The following GABRB2 variants were observed in gnomAD, a reference collection of about 807,000 sequenced individuals.
GABRB2 encodes gamma-aminobutyric acid type A receptor subunit beta2, also known as gamma-aminobutyric acid receptor subunit beta-2.
Under a neutral mutation model 54.7 loss-of-function variants are expected in GABRB2, and 16 were observed. The observed-to-expected ratio is 0.29, with a 90% CI of 0.20 to 0.44. The LOEUF is 0.44. GABRB2 is among the 20% of genes least tolerant of loss of function. GABRB2 has a pLI of 1.00. For synonymous variants in GABRB2, 244 were observed against 233.8 expected (o/e 1.04, Z -0.40); for missense variants, 355 against 644.0 (o/e 0.55, Z 4.86).
intron 5 of GABRB2, among the ~76,000 whole-genome samples, chr5:161,361,603 G>A (rs1406518754): frequency 1.3e-5 from 2 of 152,274 alleles, no homozygotes. Context: ...AAAAAGACAA[G>A]AGAATTTGAG....
chr5:161,382,350 G>T (rs769564927), intron 5 of GABRB2, among the ~76,000 whole-genome samples: 1 of 152,124 alleles, frequency 6.6e-6, no homozygotes, highest in Non-Finnish European at 1.5e-5. Context: ...TCAGACTGAG[G>T]GGGTACAGAA....
Position 161,294,048 on chromosome 5 carries a change from ATCTAG to A in GABRB2, c.*28_*32del, listed in dbSNP as rs1757307040. On this transcript the variant is annotated 3_prime_UTR_variant, in exon 10 of 10. Coordinates refer to ENST00000393959, the MANE Select transcript of GABRB2 (RefSeq NM_001371727.1). Reference sequence around the variant, plus strand: ...GGCTGTACAACTGGTTTGAGGAGGAATCTAGTCCTTGCTTCCAGTGGGAGGCCATG... The same window carrying A: ...GGCTGTACAACTGGTTTGAGGAGGAATCCTTGCTTCCAGTGGGAGGCCATG... 6.5e-7 allele frequency: 1 copy of A among 1,527,518 alleles called. No individual in the cohort carries two copies. Among genetic ancestry groups the A allele is most frequent in the African/African-American group, 1.4e-5 (1 of 73,036 alleles). The allele number at this position is 1,527,518 out of a possible 1,614,324, so 94.6% of individuals were successfully genotyped here.
chr5:161,546,810 A>C (rs2113491537), upstream of GABRB2: 1 of 1,427,228 alleles, frequency 7.0e-7, no homozygotes, highest in African/African-American at 1.4e-5. Flanking sequence ...TTTAAAAAAA[A>C]AAAAAAAAAT....
At chr5:161,316,563 C>CT (rs1758034793) in intron 9 of GABRB2, among the ~76,000 whole-genome samples, 1 of 151,852 alleles carries the variant, frequency 6.6e-6, no homozygotes, top group African/African-American at 2.4e-5. Context: ...TCTTCCTTGT[C>CT]TTTTTTCCTT....
intron 5 of GABRB2, among the ~76,000 whole-genome samples, chr5:161,392,833 A>G (rs1446079955): frequency 6.6e-6 from 1 of 152,194 alleles, no homozygotes; most frequent in Non-Finnish European, 1.5e-5. Context: ...TAGAGGGTTA[A>G]GTAAATCTAC....
At chr5:161,313,997 G>T (rs1291071903) in intron 9 of GABRB2, among the ~76,000 whole-genome samples, 2 of 152,226 alleles carry the variant, frequency 1.3e-5, no homozygotes, top group South Asian at 4.1e-4. Context: ...GAAAAGTTTC[G>T]TGTTATACTG....
intron 4 of GABRB2, among the ~76,000 whole-genome samples, chr5:161,414,849 T>C (rs1387823506): frequency 6.6e-6 from 1 of 152,144 alleles, no homozygotes; most frequent in East Asian, 1.9e-4. Context: ...ATTTAGTAAG[T>C]GCCTTATTTA....
At chr5:161,312,836 A>C (rs252957) in intron 9 of GABRB2, among the ~76,000 whole-genome samples, 76,573 of 151,942 alleles carry the variant, frequency 0.5, 21,573 homozygotes, top group African/African-American at 0.76. Flanking sequence ...CTGAGAATGA[A>C]CCTCTCTATA....
At chr5:161,349,890 A>G (rs545021331) in intron 5 of GABRB2, among the ~76,000 whole-genome samples, 25 of 152,262 alleles carry the variant, frequency 1.6e-4, no homozygotes, top group Non-Finnish European at 2.8e-4. Flanking sequence ...ACCTTGAGCC[A>G]GAATCCCCTA....
At chr5:161,332,362 C>T (rs1439535127) in intron 7 of GABRB2, among the ~76,000 whole-genome samples, 1 of 151,906 alleles carries the variant, frequency 6.6e-6, no homozygotes, top group Admixed American at 6.6e-5. Context: ...GAATCATAGC[C>T]CTCATGTATA....
At chr5:161,514,595 A>ATG (rs888297999) in intron 3 of GABRB2, among the ~76,000 whole-genome samples, 11 of 150,266 alleles carry the variant, frequency 7.3e-5, no homozygotes, top group African/African-American at 2.7e-4. Context: ...GTGTGTGTGT[A>ATG]TGTGTGTGTA....
At chr5:161,411,154 C>G in intron 4 of GABRB2, 97 bp from the exon 5 acceptor site, 1 of 864,894 alleles carries the variant, frequency 1.2e-6, no homozygotes, top group South Asian at 1.5e-5. Context: ...GTGATTTACC[C>G]TAAGTACTAA....
chr5:161,502,858 A>C (rs556564718), intron 3 of GABRB2, among the ~76,000 whole-genome samples: 1 of 152,366 alleles, frequency 6.6e-6, no homozygotes, highest in Admixed American at 6.5e-5. Flanking sequence ...AGAAATCTCC[A>C]TAAGGTTTTT....
At chr5:161,316,387 T>A (rs1256120880) in intron 9 of GABRB2, among the ~76,000 whole-genome samples, 1 of 152,188 alleles carries the variant, frequency 6.6e-6, no homozygotes, top group African/African-American at 2.4e-5. Context: ...TGACTTTGTC[T>A]AAATGTGTCA....
chr5:161,546,899 C>T (rs1761005489), upstream of GABRB2: 3 of 570,502 alleles, frequency 5.3e-6, no homozygotes, highest in Non-Finnish European at 7.9e-6. Flanking sequence ...CCCACAGCAG[C>T]ATCCAGAATA....
At chr5:161,516,329 A>T (rs867930904) in intron 3 of GABRB2, among the ~76,000 whole-genome samples, 1 of 152,184 alleles carries the variant, frequency 6.6e-6, no homozygotes, top group Admixed American at 6.6e-5. Flanking sequence ...TGCTCATAAC[A>T]ACCCCAAGAG....
intron 3 of GABRB2, among the ~76,000 whole-genome samples, chr5:161,524,779 A>G (rs553933765): frequency 3.3e-5 from 5 of 151,382 alleles, no homozygotes; most frequent in African/African-American, 1.2e-4. Flanking sequence ...AATTCTTTCA[A>G]TTTTACTACT....
At chr5:161,547,376 A>C (rs1310311281), upstream of GABRB2, among the ~76,000 whole-genome samples, 5 of 152,096 alleles carry the variant, frequency 3.3e-5, no homozygotes, top group African/African-American at 9.7e-5. Context: ...AAAAAGGAAG[A>C]AAGAGAAAGA....
chr5:161,334,952 G>A, intron 6 of GABRB2, 48 bp from the exon 7 acceptor site: 1 of 1,582,258 alleles, frequency 6.3e-7, no homozygotes, highest in Admixed American at 1.7e-5. Flanking sequence ...AATATTTATA[G>A]GATACTTTTC....
Sources: allele counts gnomAD v4.1 joint callset (sites outside exome capture counted in the v4.1 genomes callset), GRCh38; gene constraint gnomAD v4.1.1; transcripts MANE v1.5; gene names NCBI Gene and HGNC (gene_info 2026-07-23, HGNC 2026-07-21).